Variants in SEC61A2 observed in about 807,000 individuals in gnomAD.
SEC61A2 encodes the protein protein transport protein Sec61 subunit alpha isoform 2.
Under a neutral mutation model 59.9 loss-of-function variants are expected in SEC61A2, and 28 were observed. That is an observed-to-expected ratio of 0.47 (90% confidence interval 0.35 to 0.64). SEC61A2 has a LOEUF of 0.64. SEC61A2 is among the 30% of genes least tolerant of loss of function. SEC61A2 has a pLI of 0.01. For missense variants in SEC61A2, 340 were observed against 585.9 expected (o/e 0.58, Z 4.33); for synonymous variants, 202 against 214.4 (o/e 0.94, Z 0.50).
Position 12,142,438 on chromosome 10 carries a change from G to T in SEC61A2, c.142-679G>T. ...CTTCTTCCATGTTATTACAGATTGA[G>T]TAAGCATAATTTTTAGTGGCCATGT... On this transcript the variant is annotated intron_variant, in intron 3 of 11. Coordinates refer to ENST00000298428, the MANE Select transcript of SEC61A2 (RefSeq NM_018144.4). This position sits in a 1 kb window ranked among gnomAD's most constrained non-coding sequence, Gnocchi z 5.4. 1.7e-6 allele frequency: 1 copy of T among 598,618 alleles called. No homozygotes were observed. The highest frequency in any genetic ancestry group is 2.1e-6 in the Non-Finnish European group (1 of 476,652). The allele number at this position is 598,618 out of a possible 1,614,324, so 37.1% of individuals were successfully genotyped here.
rs1214522585 is a variant in SEC61A2 at position 12,145,442 on chromosome 10, A to T, written c.220+2247A>T. Among the ~76,000 whole-genome samples the T allele has an allele frequency of 1.3e-5, 2 of 152,244 alleles. No individual in the cohort carries two copies. Among genetic ancestry groups the T allele is most frequent in the Admixed American group, 1.3e-4 (2 of 15,286 alleles). ...GATTTTACACTCTCAGCGACAGTAT[A>T]TGAGAATGACCATTTCTCTTTCAAC... On this transcript the variant is annotated intron_variant, in intron 4 of 11. Coordinates refer to ENST00000298428, the MANE Select transcript of SEC61A2 (RefSeq NM_018144.4). The surrounding 1 kb of genome is among the most constrained non-coding windows in gnomAD (Gnocchi z 4.4).
chr10:12,158,219 C>A lies in SEC61A2; in HGVS notation c.975+114C>A. On this transcript the variant is annotated intron_variant, in intron 9 of 11. Coordinates refer to ENST00000298428, the MANE Select transcript of SEC61A2 (RefSeq NM_018144.4). The surrounding 1 kb of genome is among the most constrained non-coding windows in gnomAD (Gnocchi z 5.7). The stretch of plus-strand genomic sequence containing the variant: ...AGCATTTGCTGTATTTTCAGATTCA[C>A]TTACCTATATAGCAGAGTTTAGTAC... 1.2e-6 allele frequency: 1 copy of A among 844,354 alleles called. No individual in the cohort carries two copies. Among genetic ancestry groups the A allele is most frequent in the Non-Finnish European group, 1.9e-6 (1 of 538,022 alleles). 52.3% of individuals were successfully genotyped at this position (844,354 alleles called of 1,614,324 possible). A position where few individuals can be genotyped will look rare whatever the true frequency, so the allele number is the denominator to read the frequency against.
At chr10:12,139,926 G>A (rs76267302) in intron 3 of SEC61A2, among the ~76,000 whole-genome samples, 8,848 of 148,190 alleles carry the variant, frequency 0.06, 352 homozygotes, top group Non-Finnish European at 0.093. Flanking sequence ...CCGAGATCCC[G>A]CCACTGCACT....
rs1054397471 is a variant in SEC61A2, at chr10:12,156,004, G to C, written c.616+73G>C. 3 of 1,529,866 alleles carry C rather than the reference G, an allele frequency of 2.0e-6. No homozygotes were observed. The highest frequency in any genetic ancestry group is 2.7e-6 in the Non-Finnish European group (3 of 1,107,206). 94.8% of individuals were successfully genotyped at this position (1,529,866 alleles called of 1,614,324 possible). On this transcript the variant is annotated intron_variant, in intron 7 of 11. Transcript: ENST00000298428. The surrounding 1 kb of genome is among the most constrained non-coding windows in gnomAD (Gnocchi z 5.2). ...CTGGGAACAAACCCATCGTGTCGCA[G>C]TACATGCCTAGAGCCGTTCTGGTTT...
At position 12,160,825 on chromosome 10, in the gene SEC61A2, C is replaced by T. The variant is rs1834508902; in HGVS notation, c.976-105C>T. 1 of 921,124 alleles carries T rather than the reference C, an allele frequency of 1.1e-6. No individual in the cohort carries two copies. The highest frequency in any genetic ancestry group is 1.7e-6 in the Non-Finnish European group (1 of 600,620). The allele number at this position is 921,124 out of a possible 1,614,324, so 57.1% of individuals were successfully genotyped here. A position where few individuals can be genotyped will look rare whatever the true frequency, so the allele number is the denominator to read the frequency against. On this transcript the variant is annotated intron_variant, in intron 9 of 11. Transcript: ENST00000298428. The surrounding 1 kb of genome is among the most constrained non-coding windows in gnomAD (Gnocchi z 4.1). The stretch of plus-strand genomic sequence containing the variant: ...TACATAGAATGACTAGCTGTAGATG[C>T]CTTGAACTTAAAACACTGTCATTTC...
rs938976033 is a variant in SEC61A2, at chr10:12,145,879, T to G, written c.220+2684T>G. On this transcript the variant is annotated intron_variant, in intron 4 of 11. Transcript: ENST00000298428. This position sits in a 1 kb window ranked among gnomAD's most constrained non-coding sequence, Gnocchi z 4.4. Reference sequence around the variant, plus strand: ...ATACTTGCTGGAAGGATACTGGTTATTTTTTGGAATCTACAGTGGAGATGA... The same window carrying G: ...ATACTTGCTGGAAGGATACTGGTTAGTTTTTGGAATCTACAGTGGAGATGA... Among the ~76,000 whole-genome samples the G allele has an allele frequency of 2.0e-5, 3 of 152,178 alleles. No homozygotes were observed. Among genetic ancestry groups the G allele is most frequent in the Non-Finnish European group, 4.4e-5 (3 of 68,034 alleles).
Position 12,155,642 on chromosome 10 carries a change from G to T in SEC61A2, c.463-136G>T. 1.0e-6 allele frequency: 1 copy of T among 986,376 alleles called. No homozygotes were observed. The highest frequency in any genetic ancestry group is 1.5e-6 in the Non-Finnish European group (1 of 646,068). 61.1% of individuals were successfully genotyped at this position (986,376 alleles called of 1,614,324 possible). On this transcript the variant is annotated intron_variant, in intron 6 of 11. Coordinates refer to ENST00000298428, the MANE Select transcript of SEC61A2 (RefSeq NM_018144.4). This position sits in a 1 kb window ranked among gnomAD's most constrained non-coding sequence, Gnocchi z 4.3. ...TGAAAGCAGGCCAAAAGATGCAGTT[G>T]GTCATCACAGTGAGATTGCAACGAT...
At chr10:12,169,851 G>A (rs949526799), downstream of SEC61A2, 24 of 358,466 alleles carry the variant, frequency 6.7e-5, no homozygotes, top group East Asian at 6.2e-4. The surrounding 1 kb of genome is among the most constrained non-coding windows in gnomAD (Gnocchi z 4.8). Flanking sequence ...AAAGCTTCAG[G>A]CCAAACAATG....
chr10:12,137,875 G>A (rs1024831553), intron 3 of SEC61A2, among the ~76,000 whole-genome samples: 5 of 151,970 alleles, frequency 3.3e-5, no homozygotes, highest in African/African-American at 9.7e-5. Context: ...GCATGGTGGC[G>A]TGCACATGTA....
chr10:12,165,229 T>C lies in SEC61A2; in HGVS notation c.*775T>C. On this transcript the variant is annotated 3_prime_UTR_variant, in exon 12 of 12. Transcript: ENST00000298428. ...TGTTTAAATCCCTAAAGCAAAGATCTAATTCTCAAGCAATGTCTGTAGTTC... is the reference window on the plus strand; with the variant it reads ...TGTTTAAATCCCTAAAGCAAAGATCCAATTCTCAAGCAATGTCTGTAGTTC... 6.1e-6 allele frequency: 6 copies of C among 985,444 alleles called. No individual in the cohort carries two copies. The highest frequency in any genetic ancestry group is 6.0e-6 in the Non-Finnish European group (5 of 829,924). The allele number at this position is 985,444 out of a possible 1,614,324, so 61.0% of individuals were successfully genotyped here.
intron 1 of SEC61A2, among the ~76,000 whole-genome samples, chr10:12,131,758 C>T (rs67465850): frequency 0.54 from 71,817 of 132,658 alleles, 19,572 homozygotes; most frequent in South Asian, 0.7. Flanking sequence ...TGGCTCCATC[C>T]GGGCTTACTG....
intron 3 of SEC61A2, among the ~76,000 whole-genome samples, chr10:12,141,685 A>T (rs1159441010): frequency 6.6e-6 from 1 of 152,188 alleles, no homozygotes; most frequent in Non-Finnish European, 1.5e-5. Context: ...TTACAGTGTC[A>T]TAGTTTATAT....
At chr10:12,136,894 T>G (rs1430522738) in intron 3 of SEC61A2, among the ~76,000 whole-genome samples, 1 of 152,068 alleles carries the variant, frequency 6.6e-6, no homozygotes, top group Non-Finnish European at 1.5e-5. Context: ...CCTCCCAAAG[T>G]GTTGGTATTA....
chr10:12,141,312 GA>G (rs958640045), intron 3 of SEC61A2, among the ~76,000 whole-genome samples: 1 of 152,164 alleles, frequency 6.6e-6, no homozygotes, highest in African/African-American at 2.4e-5. Context: ...GACTTTCAGG[GA>G]GGTTTAGGTT....
intron 3 of SEC61A2, among the ~76,000 whole-genome samples, chr10:12,138,837 C>T (rs540618960): frequency 3.8e-4 from 58 of 152,324 alleles, no homozygotes; most frequent in African/African-American, 1.4e-3. Flanking sequence ...ATGTATAAGT[C>T]TTTCTGTGGA....
At chr10:12,144,025 T>A (rs1487069939) in intron 4 of SEC61A2, among the ~76,000 whole-genome samples, 1 of 152,118 alleles carries the variant, frequency 6.6e-6, no homozygotes, top group Non-Finnish European at 1.5e-5. Flanking sequence ...GAGGTGAGGT[T>A]TTGCCATGTT....
At chr10:12,136,881 C>T (rs1833901468) in intron 3 of SEC61A2, among the ~76,000 whole-genome samples, 1 of 152,166 alleles carries the variant, frequency 6.6e-6, no homozygotes, top group South Asian at 2.1e-4. Flanking sequence ...CCACCTTCTT[C>T]AGCCTCCCAA....
rs1834404376 is a variant in SEC61A2 at position 12,156,745 on chromosome 10, A to G, written c.617-162A>G. On this transcript the variant is annotated intron_variant, in intron 7 of 11. Transcript: ENST00000298428. This position sits in a 1 kb window ranked among gnomAD's most constrained non-coding sequence, Gnocchi z 5.2. ...ATAGATTTGCCTCAATGATCTAAATATTTGTAGAACCTGCTCACATGGCTA... is the reference window on the plus strand; with the variant it reads ...ATAGATTTGCCTCAATGATCTAAATGTTTGTAGAACCTGCTCACATGGCTA... Among the ~76,000 whole-genome samples the G allele has an allele frequency of 6.6e-6, 1 of 152,230 alleles. No homozygotes were observed. The highest frequency in any genetic ancestry group is 2.4e-5 in the African/African-American group (1 of 41,456).
At position 12,154,113 on chromosome 10, in the gene SEC61A2, T is replaced by TC. The variant is rs1834344011; in HGVS notation, c.463-1661dup. ...CCGGCTCATCATACATGTCGTCCAT[T>TC]CCCCGTGAACATGTAGCAGTTAGGG... is the stretch of plus-strand genomic sequence containing the variant. On this transcript the variant is annotated intron_variant, in intron 6 of 11. Coordinates refer to ENST00000298428, the MANE Select transcript of SEC61A2 (RefSeq NM_018144.4). The surrounding 1 kb of genome is among the most constrained non-coding windows in gnomAD (Gnocchi z 5.2). 6.6e-6 allele frequency among the ~76,000 whole-genome samples: 1 copy of TC among 152,166 alleles called. No individual in the cohort carries two copies. The highest frequency in any genetic ancestry group is 2.1e-4 in the South Asian group (1 of 4,830).
Sources: gnomAD v4.1 joint callset for allele counts (sites outside exome capture counted in the v4.1 genomes callset) on GRCh38, gnomAD v4.1.1 for gene constraint, Gnocchi (gnomAD v3.1) non-coding constraint, MANE v1.5 for transcripts, NCBI Gene and HGNC (gene_info 2026-07-23, HGNC 2026-07-21) for gene names.